The following TJP2 variants were observed in gnomAD, a reference collection of about 807,000 sequenced individuals.
TJP2 encodes Friedreich ataxia region gene X104 (tight junction protein ZO-2).
Under a neutral mutation model 133.1 loss-of-function variants are expected in TJP2, and 91 were observed. The observed-to-expected ratio is 0.68, with a 90% confidence interval of 0.58 to 0.81. TJP2 has a LOEUF of 0.81. Ranked by LOEUF, TJP2 falls within the 40% of genes least tolerant of loss-of-function variation. The pLI, the probability that TJP2 is intolerant of heterozygous loss-of-function variation, is 0.00. For missense variants in TJP2, 1,541 were observed against 1,565.6 expected (o/e 0.98, Z 0.26); for synonymous variants, 592 against 583.4 (o/e 1.01, Z -0.21).
chr9:69,252,757 C>T, intron 21 of TJP2, 58 bp from the exon 22 acceptor site: 6 of 1,509,480 alleles, frequency 4.0e-6, no homozygotes, highest in South Asian at 1.1e-5. Context: ...AACCAGCAAG[C>T]AGAGTGCCCA....
At position 69,144,910 on chromosome 9, in the gene TJP2, A is replaced by AGTGGGCCACCATGATAG. The variant is rs577541825; in HGVS notation, c.-130-6736_-130-6720dup. ...GGATCATGTGTACCATGGCCCATTGAGTGGGCCACCATGATAGGTGGTCCA... is the reference window on the plus strand; with the variant it reads ...GGATCATGTGTACCATGGCCCATTGAGTGGGCCACCATGATAGGTGGGCCACCATGATAGGTGGTCCA... On this transcript the variant is annotated intron_variant, in intron 1 of 5. Transcript: ENST00000423935. 3.7e-3 allele frequency among the ~76,000 whole-genome samples: 557 copies of AGTGGGCCACCATGATAG among 152,302 alleles called. 1 individual carries two copies. The highest frequency in any genetic ancestry group is 0.013 in the African/African-American group (536 of 41,576).
At chr9:69,179,717 T>C (rs898881740) in intron 1 of TJP2, among the ~76,000 whole-genome samples, 1 of 151,992 alleles carries the variant, frequency 6.6e-6, no homozygotes, top group Non-Finnish European at 1.5e-5. Context: ...GCCAGGATGG[T>C]CTTGATCTCC....
chr9:69,137,993 C>G (rs1195614172), intron 1 of TJP2, among the ~76,000 whole-genome samples: 1 of 152,160 alleles, frequency 6.6e-6, no homozygotes, highest in African/African-American at 2.4e-5. Context: ...TGATTTTTCT[C>G]TCCCACTTGG....
chr9:69,133,311 G>A (rs1205130532), intron 1 of TJP2, among the ~76,000 whole-genome samples: 1 of 152,166 alleles, frequency 6.6e-6, no homozygotes, highest in Non-Finnish European at 1.5e-5. Flanking sequence ...TATGTAGAGT[G>A]CTTATTTCAG....
chr9:69,154,456 A>G (rs1823637860), intron 2 of TJP2, among the ~76,000 whole-genome samples: 1 of 152,102 alleles, frequency 6.6e-6, no homozygotes, highest in Non-Finnish European at 1.5e-5. Flanking sequence ...TGTTTGCCTG[A>G]GGCTGGATTT....
rs1023624161 is a variant in TJP2 at position 69,251,359 on chromosome 9, G to A, written c.3316G>A (p.Ala1106Thr). ...RMQELQEAQN[A>T]RIEIAQKHPD... The stretch of plus-strand genomic sequence containing the variant: ...GCAGGAGCTCCAGGAAGCACAGAAT[G>A]CAAGGGTAATTGTTTTTAAACTACA... The change falls in exon 21 of 23, where the codon GCA (alanine) becomes ACA (threonine). Residue 1106 changes from alanine (A) to threonine (T), a missense_variant. By Grantham distance (58) the Ala-to-Thr change is moderately conservative. Coordinates refer to ENST00000377245, the MANE Select transcript of TJP2 (RefSeq NM_004817.4). 6.2e-7 allele frequency: 1 copy of A among 1,613,158 alleles called. No individual in the cohort carries two copies. Among genetic ancestry groups the A allele is most frequent in the Non-Finnish European group, 8.5e-7 (1 of 1,179,900 alleles).
chr9:69,225,582 C>G (rs1444731402), intron 6 of TJP2, among the ~76,000 whole-genome samples, 175 bp downstream of exon 6: 1 of 152,012 alleles, frequency 6.6e-6, no homozygotes, highest in Non-Finnish European at 1.5e-5. Context: ...CATTGAGGGT[C>G]GTAACAGTTT....
At chr9:69,187,757 C>G (rs1040420761) in intron 1 of TJP2, among the ~76,000 whole-genome samples, 8 of 152,176 alleles carry the variant, frequency 5.3e-5, no homozygotes, top group Admixed American at 5.2e-4. Context: ...CTCTTGAGAG[C>G]AGGGCTGGTT....
chr9:69,127,150 A>T (rs112082250), intron 1 of TJP2, among the ~76,000 whole-genome samples: 4,250 of 71,676 alleles, frequency 0.059, 1,587 homozygotes, highest in African/African-American at 0.17. Flanking sequence ...GCTCACTGCA[A>T]GCTCTGCCTC....
intron 13 of TJP2, 138 bp from the exon 14 acceptor site, chr9:69,236,811 C>A: frequency 9.6e-7 from 1 of 1,046,082 alleles, no homozygotes; most frequent in Non-Finnish European, 1.5e-6. Flanking sequence ...CCCACATTTC[C>A]CACCCTCTGA....
intron 2 of TJP2, among the ~76,000 whole-genome samples, chr9:69,159,108 CA>C (rs1336822256): frequency 6.6e-6 from 1 of 151,686 alleles, no homozygotes; most frequent in African/African-American, 2.4e-5. Context: ...AGTTCGAGAC[CA>C]ACCTGGGCAA....
chr9:69,238,101 C>T (rs528187898), intron 15 of TJP2, 128 bp downstream of exon 15: 47 of 712,232 alleles, frequency 6.6e-5, no homozygotes, highest in African/African-American at 6.1e-4. Context: ...CATTTTGTCA[C>T]GCATTTTCTC....
At chr9:69,130,497 CG>C (rs1005858846) in intron 1 of TJP2, among the ~76,000 whole-genome samples, 1 of 151,872 alleles carries the variant, frequency 6.6e-6, no homozygotes, top group Non-Finnish European at 1.5e-5. Flanking sequence ...AGATCTGGGG[CG>C]GGGGCTCAAG....
At chr9:69,232,570 T>G (rs1829869089) in intron 11 of TJP2, among the ~76,000 whole-genome samples, 1 of 152,190 alleles carries the variant, frequency 6.6e-6, no homozygotes, top group Non-Finnish European at 1.5e-5. Flanking sequence ...GCTAATCACT[T>G]TATTCTGTTG....
chr9:69,164,579 C>CT (rs1229467481), intron 2 of TJP2, among the ~76,000 whole-genome samples: 1 of 152,086 alleles, frequency 6.6e-6, no homozygotes, highest in Non-Finnish European at 1.5e-5. Flanking sequence ...TGGCATTGAC[C>CT]TTTTTAATAT....
At chr9:69,137,329 CTTTTT>C (rs751674133) in intron 1 of TJP2, among the ~76,000 whole-genome samples, 1,854 of 111,392 alleles carry the variant, frequency 0.017, 38 homozygotes, top group African/African-American at 0.039. Context: ...CTTTTCTTTT[CTTTTT>C]TTTTTTTGAG....
At chr9:69,252,049 T>C (rs1040010089) in intron 21 of TJP2, among the ~76,000 whole-genome samples, 25 of 152,128 alleles carry the variant, frequency 1.6e-4, no homozygotes, top group Admixed American at 1.3e-4. Flanking sequence ...GGCTGGAGTG[T>C]AGCAGTGTGA....
chr9:69,156,748 T>G (rs1466887268), intron 2 of TJP2, among the ~76,000 whole-genome samples: 1 of 151,860 alleles, frequency 6.6e-6, no homozygotes, highest in Non-Finnish European at 1.5e-5. Flanking sequence ...CTCGATCTCC[T>G]GACCTCGTGA....
At chr9:69,235,906 G>A in intron 12 of TJP2, 122 bp from the exon 13 acceptor site, 1 of 870,286 alleles carries the variant, frequency 1.1e-6, no homozygotes, top group South Asian at 1.4e-5. Flanking sequence ...ACTCCCATAG[G>A]ACTTGTGCAC....
Sources: gnomAD v4.1 joint callset for allele counts (sites outside exome capture counted in the v4.1 genomes callset) on GRCh38, gnomAD v4.1.1 for gene constraint, MANE v1.5 for transcripts, NCBI Gene and HGNC (gene_info 2026-07-23, HGNC 2026-07-21) for gene names.